Variants in COL11A1 observed in about 807,000 individuals in gnomAD.
COL11A1 encodes collagen type XI alpha 1 chain, also known as collagen alpha-1(XI) chain.
In COL11A1, 74 loss-of-function variants were observed where a neutral mutation model predicts 265.2. The ratio of observed to expected loss-of-function variants is 0.28; its 90% CI spans 0.23 to 0.34. The LOEUF (loss-of-function observed/expected upper bound fraction) is 0.34, where lower values mean the gene tolerates loss of function less well. Among genes scored for constraint, COL11A1 ranks in the 10% least tolerant of loss-of-function variants. COL11A1 has a pLI of 1.00. For missense variants in COL11A1, 2,165 were observed against 2,263.6 expected, an observed-to-expected ratio of 0.96 and a Z score of 0.88; for synonymous variants, 816 against 727.6, an observed-to-expected ratio of 1.12 and a Z score of -1.96.
intron 13 of COL11A1, among the ~76,000 whole-genome samples, chr1:103,013,817 T>C (rs1279029441): frequency 6.6e-6 from 1 of 151,938 alleles, no homozygotes; most frequent in East Asian, 1.9e-4. Flanking sequence ...AAACCAATAC[T>C]ATGAATAAAA....
At position 102,883,278 on chromosome 1, in the gene COL11A1, G is replaced by C; in HGVS notation, c.4892C>G (p.Ser1631Ter). 1 of 1,613,202 alleles carries C rather than the reference G, an allele frequency of 6.2e-7. No homozygotes were observed. The highest frequency in any genetic ancestry group is 8.5e-7 in the Non-Finnish European group (1 of 1,179,428). The part of the protein sequence containing the change: ...EYWIDPNQGC[S>*]GDSFKVYCNF... ...ACAGTAAACTTTGAAGGAATCTCCT[G>C]AGCAACCTTGGTTAGGATCAATCCA... Residue 1631 changes from serine (S) to a stop codon, truncating the protein, a stop_gained, in exon 64 of 67, where the codon TCA becomes TGA. Transcript: ENST00000370096. LOFTEE classifies it high-confidence loss of function.
At chr1:102,914,607 C>G in intron 51 of COL11A1, 97 bp downstream of exon 51, 1 of 1,017,814 alleles carries the variant, frequency 9.8e-7, no homozygotes, top group East Asian at 2.6e-5. Context: ...GATTTACCAT[C>G]TATGTTCCAG....
intron 22 of COL11A1, 78 bp from the exon 23 acceptor site, chr1:103,002,559 C>T (rs758521712): frequency 6.3e-6 from 8 of 1,261,618 alleles, no homozygotes; most frequent in African/African-American, 1.5e-5. Context: ...TTGGAAAATA[C>T]CTCTACCCAC....
At chr1:103,026,135 G>A in intron 6 of COL11A1, 81 bp downstream of exon 6, 2 of 1,225,616 alleles carry the variant, frequency 1.6e-6, no homozygotes, top group South Asian at 2.4e-5. Flanking sequence ...TTTATGGTAA[G>A]TTTGAGGAAC....
intron 37 of COL11A1, 79 bp downstream of exon 37, chr1:102,970,140 T>C: frequency 8.7e-7 from 1 of 1,154,784 alleles, no homozygotes; most frequent in Non-Finnish European, 1.3e-6. Context: ...GAAATGTTCA[T>C]AATAAAGTAG....
At chr1:102,996,572 A>C (rs1664651660) in intron 26 of COL11A1, among the ~76,000 whole-genome samples, 1 of 151,850 alleles carries the variant, frequency 6.6e-6, no homozygotes, top group African/African-American at 2.4e-5. Context: ...GTAATGCTGA[A>C]ATTTTAATGC....
At chr1:102,898,307 G>A (rs1442865549) in intron 56 of COL11A1, 129 bp from the exon 57 acceptor site, 3 of 377,164 alleles carry the variant, frequency 8.0e-6, no homozygotes, top group African/African-American at 4.3e-5. Context: ...CCATATGGAG[G>A]ACATCTACAA....
chr1:102,996,773 A>G (rs944464702), intron 26 of COL11A1, among the ~76,000 whole-genome samples: 9 of 152,110 alleles, frequency 5.9e-5, no homozygotes, highest in African/African-American at 2.2e-4. Context: ...TTGGGGTTAC[A>G]TAAGCAGTTC....
At chr1:103,025,867 G>C (rs375694150) in intron 6 of COL11A1, 6 of 1,613,366 alleles carry the variant, frequency 3.7e-6, no homozygotes, top group African/African-American at 2.7e-5. Context: ...AAATTTTTCA[G>C]ATTTGGGGGG....
rs1191581394 is a variant in COL11A1 at position 102,920,301 on chromosome 1, A to T, written c.3762+10T>A. 1 of 1,612,496 alleles carries T rather than the reference A, an allele frequency of 6.2e-7. No individual in the cohort carries two copies. The highest frequency in any genetic ancestry group is 1.1e-5 in the South Asian group (1 of 91,056). On this transcript the variant is annotated intron_variant, in intron 49 of 66. Coordinates refer to ENST00000370096, the MANE Select transcript of COL11A1 (RefSeq NM_001854.4). ...TGCTGTTTCAAACTGTGTGTCACTA[A>T]CATATTTACCTTTTCTCCAACACCA...
intron 54 of COL11A1, among the ~76,000 whole-genome samples, chr1:102,899,641 T>C (rs1652932955): frequency 6.6e-6 from 1 of 152,166 alleles, no homozygotes; most frequent in South Asian, 2.1e-4. Flanking sequence ...ACAGAATGAC[T>C]GAAAAAGAAA....
Position 103,014,555 on chromosome 1 carries a change from A to C in COL11A1, c.1528T>G (p.Ser510Ala). The C allele has an allele frequency of 6.2e-7, 1 of 1,613,820 alleles. No individual in the cohort carries two copies. Among genetic ancestry groups the C allele is most frequent in the Non-Finnish European group, 8.5e-7 (1 of 1,179,794 alleles). The change falls in exon 13 of 67, where the codon TCT (serine) becomes GCT (alanine). Residue 510 changes from serine (S) to alanine (A), a missense_variant. By Grantham distance (99) the Ser-to-Ala change is moderately conservative. Coordinates refer to ENST00000370096, the MANE Select transcript of COL11A1 (RefSeq NM_001854.4). Reference protein sequence around the residue: ...GGDGSKGPTISAQEAQAQAIL... With the variant: ...GGDGSKGPTIAAQEAQAQAIL... ...GCTTGAGCCTGAGCTTCCTGAGCAG[A>C]GATGGTTGGTCCTTTGGAACCATCA...
At chr1:102,942,760 A>G (rs1658864924) in intron 42 of COL11A1, among the ~76,000 whole-genome samples, 1 of 152,012 alleles carries the variant, frequency 6.6e-6, no homozygotes, top group Non-Finnish European at 1.5e-5. Context: ...ATCCTTTTTT[A>G]TGGCACTCTG....
rs377392670 is a variant in COL11A1 at position 102,997,113 on chromosome 1, C to T, written c.2208G>A (p.Gly736=). Residue 736 remains glycine, a synonymous_variant, in exon 26 of 67, where the codon GGG becomes GGA. Transcript: ENST00000370096. ...PGADGPPGHP[G]KEGQSGEKGA... is the part of the protein sequence containing the mutation. Reference sequence around the variant, plus strand: ...CCTTTTCTCCAGACTGGCCTTCTTTCCCAGGATGACCCTATATTTAGCAAA... The same window carrying T: ...CCTTTTCTCCAGACTGGCCTTCTTTTCCAGGATGACCCTATATTTAGCAAA... The T allele has an allele frequency of 6.2e-7, 1 of 1,611,628 alleles. No individual in the cohort carries two copies. Among genetic ancestry groups the T allele is most frequent in the East Asian group, 2.2e-5 (1 of 44,724 alleles).
Position 103,022,742 on chromosome 1 carries a change from G to A in COL11A1, c.1245C>T (p.Ser415=), listed in dbSNP as rs371490794. The A allele has an allele frequency of 7.4e-6, 12 of 1,613,306 alleles. No homozygotes were observed. In the African/African-American group the frequency reaches 8.0e-5, roughly 11 times the overall value. ...GACACAGTGCATAGTATCAACTTACGCTTGTTTCTGTAATATCAGTTTCTG... is the reference window on the plus strand; with the variant it reads ...GACACAGTGCATAGTATCAACTTACACTTGTTTCTGTAATATCAGTTTCTG... ...VPAETDITET[S]INGHGAYGEK... Residue 415 remains serine (S), a splice_region_variant and synonymous_variant, in exon 8 of 67, where the codon AGC becomes AGT. Coordinates refer to ENST00000370096, the MANE Select transcript of COL11A1 (RefSeq NM_001854.4).
intron 1 of COL11A1, among the ~76,000 whole-genome samples, chr1:103,092,146 GC>G (rs1325902509): frequency 6.6e-6 from 1 of 152,066 alleles, no homozygotes; most frequent in Non-Finnish European, 1.5e-5. Flanking sequence ...TCCCATTGTT[GC>G]CTATTTATAA....
At chr1:103,052,782 A>G (rs1050631199) in intron 4 of COL11A1, among the ~76,000 whole-genome samples, 2 of 152,182 alleles carry the variant, frequency 1.3e-5, no homozygotes, top group African/African-American at 4.8e-5. Flanking sequence ...AATCTTTATT[A>G]ACTATAAACA....
At chr1:102,976,202 C>A (rs1662446098) in intron 35 of COL11A1, among the ~76,000 whole-genome samples, 1 of 145,520 alleles carries the variant, frequency 6.9e-6, no homozygotes, top group African/African-American at 2.5e-5. Flanking sequence ...AATTTAAAAT[C>A]TTTTAAGAAA....
intron 44 of COL11A1, 123 bp downstream of exon 44, chr1:102,938,912 A>T (rs891118001): frequency 1.3e-6 from 1 of 793,466 alleles, no homozygotes; most frequent in Non-Finnish European, 2.2e-6. Flanking sequence ...TGCAGAGGTA[A>T]TGTAGTATTG....
Sources: allele counts gnomAD v4.1 joint callset (sites outside exome capture counted in the v4.1 genomes callset), GRCh38; gene constraint gnomAD v4.1.1; transcripts MANE v1.5; gene names NCBI Gene and HGNC (gene_info 2026-07-23, HGNC 2026-07-21).